CAVIN1: variants seen among roughly 807,000 people sequenced by gnomAD.
The protein encoded by CAVIN1 is caveolae-associated protein 1.
In CAVIN1, 16 loss-of-function variants were observed where a neutral mutation model predicts 24.0. That is an observed-to-expected ratio of 0.67 (90% confidence interval 0.45 to 1.01). CAVIN1 has a LOEUF of 1.01. CAVIN1 is among the 50% of genes least tolerant of loss of function. The pLI, the probability that CAVIN1 is intolerant of heterozygous loss-of-function variation, is 0.00. For missense variants in CAVIN1, 510 were observed against 551.7 expected, an observed-to-expected ratio of 0.92 and a Z score of 0.76; for synonymous variants, 256 against 256.4, an observed-to-expected ratio of 1.00 and a Z score of 0.02.
At chr17:42,415,693 C>T (rs1337821228) in intron 1 of CAVIN1, among the ~76,000 whole-genome samples, 2 of 151,040 alleles carry the variant, frequency 1.3e-5, no homozygotes. Flanking sequence ...GCCTGGGCAA[C>T]AGAGTGAGAC....
Position 42,404,346 on chromosome 17 carries a change from T to G in CAVIN1, c.*341A>C. The G allele has an allele frequency of 9.9e-6, 2 of 202,228 alleles. No individual in the cohort carries two copies. The highest frequency in any genetic ancestry group is 9.9e-6 in the Non-Finnish European group (1 of 101,326). 12.5% of individuals were successfully genotyped at this position (202,228 alleles called of 1,614,324 possible). ...AGCGGAATGACAGCAGCTGGGTGGG[T>G]GGTGTGGGGAGAGGCTGAGGGGAAG... On this transcript the variant is annotated 3_prime_UTR_variant, in exon 2 of 2. Coordinates refer to ENST00000357037, the MANE Select transcript of CAVIN1 (RefSeq NM_012232.6).
rs1224778501 is a variant in CAVIN1, at chr17:42,403,742, C to T, written c.*945G>A. 1 of 152,708 alleles carries T rather than the reference C, an allele frequency of 6.5e-6. No individual in the cohort carries two copies. Among genetic ancestry groups the T allele is most frequent in the East Asian group, 1.9e-4 (1 of 5,206 alleles). The allele number at this position is 152,708 out of a possible 1,614,324, so 9.5% of individuals were successfully genotyped here. A position where few individuals can be genotyped will look rare whatever the true frequency, so the allele number is the denominator to read the frequency against. ...CCCAGGTTCAAGCAATTCTCCCCAC[C>T]TCAGCCTCCAAAGTAGCTGGGATTA... On this transcript the variant is annotated 3_prime_UTR_variant, in exon 2 of 2. Coordinates refer to ENST00000357037, the MANE Select transcript of CAVIN1 (RefSeq NM_012232.6).
intron 1 of CAVIN1, among the ~76,000 whole-genome samples, chr17:42,410,522 T>A (rs545432250): frequency 6.6e-6 from 1 of 152,170 alleles, no homozygotes; most frequent in African/African-American, 2.4e-5. Context: ...GATATCACAA[T>A]GATTTGTGCC....
In CAVIN1 at chr17:42,403,581, G is replaced by A. The variant is rs1219118502; in HGVS notation, c.*1106C>T. 6.5e-6 allele frequency: 1 copy of A among 152,750 alleles called. No homozygotes were observed. The highest frequency in any genetic ancestry group is 1.5e-5 in the Non-Finnish European group (1 of 68,108). 9.5% of individuals were successfully genotyped at this position (152,750 alleles called of 1,614,324 possible). A position where few individuals can be genotyped will look rare whatever the true frequency, so the allele number is the denominator to read the frequency against. On this transcript the variant is annotated 3_prime_UTR_variant, in exon 2 of 2. Coordinates refer to ENST00000357037, the MANE Select transcript of CAVIN1 (RefSeq NM_012232.6). ...GTAAGATAGATTTCTCATGCAGCTA[G>A]TGAGGGGACTTCTCTCTTCACCCAT...
intron 1 of CAVIN1, among the ~76,000 whole-genome samples, chr17:42,410,505 G>A (rs922242908): frequency 1.3e-5 from 2 of 151,870 alleles, no homozygotes; most frequent in African/African-American, 4.8e-5. Context: ...GATTGGGAGG[G>A]GACTTAGATA....
intron 1 of CAVIN1, among the ~76,000 whole-genome samples, chr17:42,419,443 A>G (rs1400223716): frequency 6.6e-6 from 1 of 151,874 alleles, no homozygotes; most frequent in African/African-American, 2.4e-5. Context: ...CTCCCGAGTA[A>G]CCAGGATTAG....
chr17:42,406,381 T>A (rs890037974), intron 1 of CAVIN1, among the ~76,000 whole-genome samples: 2 of 151,688 alleles, frequency 1.3e-5, no homozygotes, highest in African/African-American at 4.8e-5. Context: ...ATTTCTTTTT[T>A]TTTTTTTTTT....
intron 1 of CAVIN1, chr17:42,411,302 CAGCACTTTGGGA>C: frequency 6.0e-6 from 2 of 335,794 alleles, no homozygotes; most frequent in Non-Finnish European, 8.5e-6. Flanking sequence ...TCTGTAATCC[CAGCACTTTGGGA>C]AGCTGAGGTG....
rs1462988029 is a variant in CAVIN1, at chr17:42,405,273, G to A, written c.587C>T (p.Ala196Val). ...GTCCGACGAAAGCTCCAGCGCCGCTGCGTCCTCCTCGGGCCGCTCGCCCTC... is the reference window on the plus strand; with the variant it reads ...GTCCGACGAAAGCTCCAGCGCCGCTACGTCCTCCTCGGGCCGCTCGCCCTC... Reference protein sequence around the residue: ...LGEGERPEEDAAALELSSDEA... With the variant: ...LGEGERPEEDVAALELSSDEA... The change falls in exon 2 of 2, where the codon GCA (alanine) becomes GTA (valine). Residue 196 changes from alanine to valine, a missense_variant. Transcript: ENST00000357037. 1 of 1,612,892 alleles carries A rather than the reference G, an allele frequency of 6.2e-7. No individual in the cohort carries two copies. The highest frequency in any genetic ancestry group is 1.3e-5 in the African/African-American group (1 of 74,786).
chr17:42,411,809 T>A (rs2085480514), intron 1 of CAVIN1: 3 of 985,394 alleles, frequency 3.0e-6, no homozygotes, highest in Non-Finnish European at 3.6e-6. Context: ...CATTTACTAC[T>A]AAAAACAGAA....
At chr17:42,405,692 T>TTTTTTG (rs1555586095) in intron 1 of CAVIN1, among the ~76,000 whole-genome samples, 6 of 122,546 alleles carry the variant, frequency 4.9e-5, no homozygotes, top group Non-Finnish European at 8.2e-5. Context: ...GTTTTTTTTT[T>TTTTTTG]TTTTTTTTTT....
chr17:42,408,934 G>A (rs1278310884), intron 1 of CAVIN1, among the ~76,000 whole-genome samples: 1 of 151,940 alleles, frequency 6.6e-6, no homozygotes, highest in East Asian at 1.9e-4. Flanking sequence ...GGGATTACAG[G>A]CATGCACCAC....
Position 42,404,534 on chromosome 17 carries a change from A to G in CAVIN1, c.*153T>C. On this transcript the variant is annotated 3_prime_UTR_variant, in exon 2 of 2. Transcript: ENST00000357037. ...GGGGCTGCCTCCCCATCGGGTCCTAACAGCTCTAAGACTGGGAGTGGAGTT... is the reference window on the plus strand; with the variant it reads ...GGGGCTGCCTCCCCATCGGGTCCTAGCAGCTCTAAGACTGGGAGTGGAGTT... 1.9e-6 allele frequency: 1 copy of G among 536,892 alleles called. No individual in the cohort carries two copies. Among genetic ancestry groups the G allele is most frequent in the Non-Finnish European group, 3.1e-6 (1 of 320,178 alleles). 33.3% of individuals were successfully genotyped at this position (536,892 alleles called of 1,614,324 possible). A position where few individuals can be genotyped will look rare whatever the true frequency, so the allele number is the denominator to read the frequency against.
At chr17:42,421,588 CT>C (rs1265528048) in intron 1 of CAVIN1, among the ~76,000 whole-genome samples, 1 of 152,118 alleles carries the variant, frequency 6.6e-6, no homozygotes, top group Non-Finnish European at 1.5e-5. Context: ...CCCGATGGCA[CT>C]GCGGAAGCGG....
intron 1 of CAVIN1, among the ~76,000 whole-genome samples, chr17:42,417,036 C>G (rs1212773845): frequency 6.6e-6 from 1 of 152,178 alleles, no homozygotes; most frequent in Non-Finnish European, 1.5e-5. Flanking sequence ...TGGGCCTTTG[C>G]TGCTGGTCCA....
Position 42,404,716 on chromosome 17 carries a change from C to T in CAVIN1, c.1144G>A (p.Val382Met), listed in dbSNP as rs202120909. 2.0e-6 allele frequency: 3 copies of T among 1,487,360 alleles called. No individual in the cohort carries two copies. Among genetic ancestry groups the T allele is most frequent in the South Asian group, 1.4e-5 (1 of 73,794 alleles). 92.1% of individuals were successfully genotyped at this position (1,487,360 alleles called of 1,614,324 possible). ...TCGCTGTCGCTCTTGTCCACCAGCA[C>T]GGCGTCCGACTCCTCGGTGATCTCC... ...LLEITEESDA[V>M]LVDKSDSD Residue 382 changes from valine (V) to methionine (M), a missense_variant, in exon 2 of 2, where the codon GTG (valine) becomes ATG (methionine). Transcript: ENST00000357037.
Position 42,405,195 on chromosome 17 carries a change from T to A in CAVIN1, c.665A>T (p.Lys222Met). 3.7e-6 allele frequency: 6 copies of A among 1,614,074 alleles called. No homozygotes were observed. Among genetic ancestry groups the A allele is most frequent in the Non-Finnish European group, 5.1e-6 (6 of 1,179,982 alleles). ...VIEESRAERI[K>M]RSGLRRVDDF... ...GTCCACGCGCCGCAGGCCGCTGCGC[T>A]TGATACGCTCTGCGCGGGACTCCTC... Residue 222 changes from lysine to methionine, a missense_variant, in exon 2 of 2, where the codon AAG becomes ATG. Physicochemically the swap from Lys to Met is moderately conservative, Grantham distance 95. Coordinates refer to ENST00000357037, the MANE Select transcript of CAVIN1 (RefSeq NM_012232.6).
At chr17:42,414,311 T>A (rs1234412850) in intron 1 of CAVIN1, among the ~76,000 whole-genome samples, 1 of 152,046 alleles carries the variant, frequency 6.6e-6, no homozygotes, top group Non-Finnish European at 1.5e-5. Context: ...TTTGGCCACG[T>A]CCCCACCTTC....
chr17:42,406,008 A>C (rs2085444474), intron 1 of CAVIN1, among the ~76,000 whole-genome samples: 1 of 152,148 alleles, frequency 6.6e-6, no homozygotes, highest in South Asian at 2.1e-4. Flanking sequence ...TTCTCTAAAA[A>C]ACATGTGTGT....
Sources: gnomAD v4.1 joint callset for allele counts (sites outside exome capture counted in the v4.1 genomes callset) on GRCh38, gnomAD v4.1.1 for gene constraint, MANE v1.5 for transcripts, NCBI Gene and HGNC (gene_info 2026-07-23, HGNC 2026-07-21) for gene names.